LRRC63: variants seen among roughly 807,000 people sequenced by gnomAD.
The protein encoded by LRRC63 is leucine-rich repeat-containing protein 63.
In LRRC63, 40 loss-of-function variants were observed where a neutral mutation model predicts 49.5. The observed-to-expected ratio is 0.81, with a 90% confidence interval of 0.63 to 1.05. The LOEUF is 1.05. Among genes scored for constraint, LRRC63 ranks in the 50% least tolerant of loss-of-function variants. LRRC63 has a pLI of 0.00. For missense variants in LRRC63, 636 were observed against 663.1 expected (o/e 0.96, Z 0.45); for synonymous variants, 191 against 221.1 (o/e 0.86, Z 1.21).
rs1020321136 is a variant in LRRC63 at position 46,255,020 on chromosome 13, T to G, written c.1226+4529T>G. 3.3e-5 allele frequency among the ~76,000 whole-genome samples: 5 copies of G among 152,294 alleles called. No individual in the cohort carries two copies. The South Asian group carries it at 1.0e-3, about 32-fold the overall frequency. ...CAAAAGGTGGTAACTCAAATGTCCATTAACAGATTAATTAATGAATAAACA... is the reference window on the plus strand; with the variant it reads ...CAAAAGGTGGTAACTCAAATGTCCAGTAACAGATTAATTAATGAATAAACA... On this transcript the variant is annotated intron_variant, in intron 7 of 9. Coordinates refer to ENST00000595396, the Ensembl canonical transcript of LRRC63.
At chr13:46,247,287 G>GT (rs2047241357) in intron 6 of LRRC63, among the ~76,000 whole-genome samples, 1 of 152,028 alleles carries the variant, frequency 6.6e-6, no homozygotes, top group African/African-American at 2.4e-5. Flanking sequence ...ATAATATAAT[G>GT]TTTTTATTTT....
intron 7 of LRRC63, among the ~76,000 whole-genome samples, chr13:46,252,596 G>A (rs528495719): frequency 1.3e-5 from 2 of 152,166 alleles, no homozygotes; most frequent in African/African-American, 2.4e-5. Context: ...ACAGTAAAAT[G>A]TATGAGTTAC....
intron 2 of LRRC63, among the ~76,000 whole-genome samples, chr13:46,225,164 G>A (rs1313190385): frequency 6.6e-6 from 1 of 152,222 alleles, no homozygotes; most frequent in African/African-American, 2.4e-5. Context: ...CATGCTGTGG[G>A]CTGGTGTTGG....
chr13:46,272,270 G>C (rs1224908252), intron 9 of LRRC63, among the ~76,000 whole-genome samples: 1 of 152,090 alleles, frequency 6.6e-6, no homozygotes, highest in Admixed American at 6.5e-5. Context: ...TCGATAAGAG[G>C]ACACTACTGT....
intron 7 of LRRC63, among the ~76,000 whole-genome samples, chr13:46,258,844 T>G (rs1254206262): frequency 6.6e-6 from 1 of 151,960 alleles, no homozygotes; most frequent in Admixed American, 6.6e-5. Flanking sequence ...AAATTATTTT[T>G]AAAATCCTTT....
At chr13:46,246,706 CT>C in intron 6 of LRRC63, 81 bp downstream of exon 6, 1 of 598,320 alleles carries the variant, frequency 1.7e-6, no homozygotes, top group East Asian at 3.4e-5. Flanking sequence ...CTTTTAATAC[CT>C]TGAAGTTACT....
chr13:46,243,875 A>G (rs1345492237), intron 5 of LRRC63, among the ~76,000 whole-genome samples: 5 of 152,232 alleles, frequency 3.3e-5, no homozygotes, highest in African/African-American at 1.2e-4. Flanking sequence ...CTCTTCATTG[A>G]TAAAGAATAA....
At chr13:46,250,969 C>G (rs1341768519) in intron 7 of LRRC63, among the ~76,000 whole-genome samples, 1 of 151,878 alleles carries the variant, frequency 6.6e-6, no homozygotes, top group Non-Finnish European at 1.5e-5. Flanking sequence ...CCTTTCAACT[C>G]CATAAGAATG....
exon 10 of LRRC63, chr13:46,276,993 C>T (rs116295345): frequency 0.026 from 4,036 of 153,136 alleles, 136 homozygotes; most frequent in African/African-American, 0.078. Flanking sequence ...TCTTCTCATA[C>T]GAATTATCTT....
Position 46,234,180 on chromosome 13 carries a change from T to A in LRRC63, c.833-12T>A, listed in dbSNP as rs769305400. The A allele has an allele frequency of 8.4e-6, 13 of 1,542,550 alleles. No homozygotes were observed. The highest frequency in any genetic ancestry group is 1.1e-5 in the Non-Finnish European group (13 of 1,142,180). On this transcript the variant is annotated splice_polypyrimidine_tract_variant and intron_variant, in intron 4 of 9. Coordinates refer to ENST00000595396, the Ensembl canonical transcript of LRRC63. Reference sequence around the variant, plus strand: ...TTTAAATTTTATGTTTTGTTTTGTTTTGTTTATTTAGGTCTCACCAAAACT... The same window carrying A: ...TTTAAATTTTATGTTTTGTTTTGTTATGTTTATTTAGGTCTCACCAAAACT...
At chr13:46,237,357 AAT>A (rs1426729138) in intron 5 of LRRC63, among the ~76,000 whole-genome samples, 1 of 152,176 alleles carries the variant, frequency 6.6e-6, no homozygotes, top group Non-Finnish European at 1.5e-5. Flanking sequence ...TGTGAACTAT[AAT>A]GTAAACTATG....
intron 9 of LRRC63, among the ~76,000 whole-genome samples, chr13:46,267,251 G>A (rs1238588182): frequency 1.3e-5 from 2 of 152,206 alleles, no homozygotes; most frequent in Non-Finnish European, 2.9e-5. Context: ...TTCTATAAAT[G>A]TCTAAGTTCA....
chr13:46,270,033 AT>A, intron 9 of LRRC63: 1 of 490,642 alleles, frequency 2.0e-6, no homozygotes, highest in Non-Finnish European at 3.7e-6. Flanking sequence ...ATGCATATCT[AT>A]AATAAAGTTT....
At chr13:46,265,560 C>T (rs2047673588) in intron 8 of LRRC63, among the ~76,000 whole-genome samples, 1 of 152,170 alleles carries the variant, frequency 6.6e-6, no homozygotes, top group Admixed American at 6.6e-5. Context: ...TCTCTCAAGT[C>T]TCTTTTATAA....
In LRRC63 at chr13:46,212,941, C is replaced by A; in HGVS notation, c.-33-61C>A. On this transcript the variant is annotated intron_variant, in intron 1 of 9. Coordinates refer to ENST00000595396, the Ensembl canonical transcript of LRRC63. ...TTTTCTTTAAGATGTAATCTAAATT[C>A]TTATTATTTTTCAACAATTCAAACA... The A allele has an allele frequency of 7.4e-6, 6 of 810,256 alleles. No homozygotes were observed. In the South Asian group the frequency reaches 1.0e-4, roughly 14 times the overall value. 50.2% of individuals were successfully genotyped at this position (810,256 alleles called of 1,614,324 possible). A position where few individuals can be genotyped will look rare whatever the true frequency, so the allele number is the denominator to read the frequency against.
At chr13:46,260,697 G>T (rs910934830) in intron 7 of LRRC63, among the ~76,000 whole-genome samples, 1 of 152,176 alleles carries the variant, frequency 6.6e-6, no homozygotes, top group African/African-American at 2.4e-5. Flanking sequence ...AAAAGACAAT[G>T]ATCAGAGTCA....
chr13:46,257,553 T>C (rs1926003), intron 7 of LRRC63, among the ~76,000 whole-genome samples: 11,705 of 152,064 alleles, frequency 0.077, 1,496 homozygotes, highest in African/African-American at 0.27. Flanking sequence ...TGTGAGAAGG[T>C]AATAAGTGAT....
At position 46,246,601 on chromosome 13, in the gene LRRC63, T is replaced by TG. The variant is rs1464413698; in HGVS notation, c.1066dup (p.Asp356GlyfsTer13). On this transcript the variant is annotated frameshift_variant, in exon 6 of 10. Coordinates refer to ENST00000595396, the Ensembl canonical transcript of LRRC63. LOFTEE classifies it high-confidence loss of function. Reference sequence around the variant, plus strand: ...TGATATATCTTAATTTATCATTTAATGATCTTCATTACTTTCCCACAGAAG... The same window carrying TG: ...TGATATATCTTAATTTATCATTTAATGGATCTTCATTACTTTCCCACAGAAG... 6.8e-7 allele frequency: 1 copy of TG among 1,462,274 alleles called. No individual in the cohort carries two copies. The highest frequency in any genetic ancestry group is 9.0e-7 in the Non-Finnish European group (1 of 1,108,094). 90.6% of individuals were successfully genotyped at this position (1,462,274 alleles called of 1,614,324 possible).
chr13:46,216,440 A>G (rs1317695200), intron 2 of LRRC63, among the ~76,000 whole-genome samples: 1 of 152,194 alleles, frequency 6.6e-6, no homozygotes, highest in Non-Finnish European at 1.5e-5. Flanking sequence ...GTGTATACGA[A>G]TGCCTGTGAT....
Sources: gnomAD v4.1 joint callset for allele counts (sites outside exome capture counted in the v4.1 genomes callset) on GRCh38, gnomAD v4.1.1 for gene constraint, MANE v1.5 for transcripts, NCBI Gene and HGNC (gene_info 2026-07-23, HGNC 2026-07-21) for gene names.